Variants in ITPRIPL1 observed in about 807,000 individuals in gnomAD.
ITPRIPL1 encodes the protein ITPRIP like 1.
A neutral mutation model predicts 40.0 loss-of-function variants in ITPRIPL1; 28 were observed. The observed-to-expected ratio is 0.70, with a 90% confidence interval of 0.52 to 0.96. The LOEUF (loss-of-function observed/expected upper bound fraction) is 0.96. ITPRIPL1 is among the 40% of genes least tolerant of loss of function. The pLI is 0.00. For synonymous variants in ITPRIPL1, 251 were observed against 275.7 expected, an observed-to-expected ratio of 0.91 and a Z score of 0.89; for missense variants, 638 against 698.0, an observed-to-expected ratio of 0.91 and a Z score of 0.97.
In ITPRIPL1 at chr2:96,327,843, G is replaced by A; in HGVS notation, c.1212G>A (p.Leu404=). The A allele has an allele frequency of 6.2e-7, 1 of 1,614,104 alleles. No homozygotes were observed. The highest frequency in any genetic ancestry group is 8.5e-7 in the Non-Finnish European group (1 of 1,180,022). Residue 404 remains leucine (L), a synonymous_variant, in exon 3 of 3, where the codon CTG becomes CTA. Transcript: ENST00000439118. ...AGTCCTTTGTGGCCTGTGAGCACCT[G>A]TTCCTGAAGCTGGTGGGGCGCTTTG... ...WPESFVACEH[L]FLKLVGRFAP...
At position 96,326,350 on chromosome 2, in the gene ITPRIPL1, A is replaced by G. The variant is rs878891779; in HGVS notation, c.11-292A>G. Reference sequence around the variant, plus strand: ...ACAAGGGTCCCCCTCCCCATCCTACACAGGAATGAAAACAGTCCCATGTAC... The same window carrying G: ...ACAAGGGTCCCCCTCCCCATCCTACGCAGGAATGAAAACAGTCCCATGTAC... On this transcript the variant is annotated intron_variant, in intron 2 of 2. Transcript: ENST00000439118. The G allele has an allele frequency of 4.0e-6, 6 of 1,492,782 alleles. No individual in the cohort carries two copies. In the South Asian group the frequency reaches 7.2e-5, roughly 18 times the overall value. The allele number at this position is 1,492,782 out of a possible 1,614,324, so 92.5% of individuals were successfully genotyped here.
chr2:96,326,541 T>C, intron 2 of ITPRIPL1, 101 bp from the exon 3 acceptor site: 1 of 1,575,626 alleles, frequency 6.3e-7, no homozygotes. Context: ...CCTGAGTAGC[T>C]GATTTTCAGA....
At position 96,328,206 on chromosome 2, in the gene ITPRIPL1, C is replaced by A; in HGVS notation, c.1575C>A (p.Asn525Lys). Residue 525 changes from asparagine (N) to lysine (K), a missense_variant, in exon 3 of 3, where the codon AAC becomes AAA. Physicochemically the swap from Asn to Lys is moderately conservative, Grantham distance 94 (BLOSUM62 0). Transcript: ENST00000439118. Reference protein sequence around the residue: ...PVNLFQHLVLNPKAHSQAVEE... With the variant: ...PVNLFQHLVLKPKAHSQAVEE... The stretch of plus-strand genomic sequence containing the variant: ...ATCTCTTCCAACACCTGGTGCTCAA[C>A]CCCAAGGCACATTCACAGGCAGTGG... 6.2e-7 allele frequency: 1 copy of A among 1,614,166 alleles called. No individual in the cohort carries two copies. The highest frequency in any genetic ancestry group is 8.5e-7 in the Non-Finnish European group (1 of 1,180,030).
In ITPRIPL1 at chr2:96,325,375, AGGG is replaced by A. The variant is rs2064095943; in HGVS notation, c.-282_-280del. 1 of 157,960 alleles carries A rather than the reference AGGG, an allele frequency of 6.3e-6. No individual in the cohort carries two copies. Among genetic ancestry groups the A allele is most frequent in the Non-Finnish European group, 1.4e-5 (1 of 71,790 alleles). The allele number at this position is 157,960 out of a possible 1,614,324, so 9.8% of individuals were successfully genotyped here. ...CTCGGAGCCGCGTGCTGGGGGTCGT[AGGG>A]GCCCACCGCGCTCAGCCAGACGTTC... On this transcript the variant is annotated 5_prime_UTR_variant, in exon 1 of 3. Transcript: ENST00000439118.
Position 96,327,653 on chromosome 2 carries a change from T to C in ITPRIPL1, c.1022T>C (p.Leu341Pro), listed in dbSNP as rs1396455949. The C allele has an allele frequency of 3.7e-6, 6 of 1,612,694 alleles. No individual in the cohort carries two copies. The Admixed American group carries it at 6.7e-5, about 18-fold the overall frequency. Reference protein sequence around the residue: ...ALVAHKYDFKLSLPPSTTSCK... With the variant: ...ALVAHKYDFKPSLPPSTTSCK... ...GTGGCCCACAAGTATGACTTTAAAC[T>C]CAGTCTCCCACCGTCTACCACCTCC... The change falls in exon 3 of 3, where the codon CTC becomes CCC. Residue 341 changes from leucine to proline, a missense_variant. Coordinates refer to ENST00000439118, the MANE Select transcript of ITPRIPL1 (RefSeq NM_001008949.3).
rs1235856073 is a variant in ITPRIPL1 at position 96,328,037 on chromosome 2, T to C, written c.1406T>C (p.Met469Thr). Residue 469 changes from methionine (M) to threonine (T), a missense_variant, in exon 3 of 3, where the codon ATG becomes ACG. By Grantham distance (81) the Met-to-Thr change is moderately conservative. Transcript: ENST00000439118. ...RLPLTDWAHN[M>T]LSQRLQDILW... ...CCCCTCACGGACTGGGCCCACAACA[T>C]GCTCTCTCAGCGGCTCCAGGACATT... 5 of 1,614,066 alleles carry C rather than the reference T, an allele frequency of 3.1e-6. No individual in the cohort carries two copies. Among genetic ancestry groups the C allele is most frequent in the Non-Finnish European group, 4.2e-6 (5 of 1,180,034 alleles).
Position 96,327,745 on chromosome 2 carries a change from C to T in ITPRIPL1, c.1114C>T (p.Arg372Ter), listed in dbSNP as rs527931884. 17 of 1,613,350 alleles carry T rather than the reference C, an allele frequency of 1.1e-5. No individual in the cohort carries two copies. The highest frequency in any genetic ancestry group is 2.7e-5 in the African/African-American group (2 of 74,984). The change falls in exon 3 of 3, where the codon CGA (arginine) becomes TGA (stop). Residue 372 changes from arginine to a stop codon, truncating the protein, a stop_gained. Transcript: ENST00000439118. LOFTEE classifies it high-confidence loss of function. Reference sequence around the variant, plus strand: ...AATCCACTTGGTCCTGGGGGTGCAACGAGAAGACACCTTGGTCTACCTGGT... The same window carrying T: ...AATCCACTTGGTCCTGGGGGTGCAATGAGAAGACACCTTGGTCTACCTGGT... ...LSIHLVLGVQ[R>*]EDTLVYLVSQ...
Position 96,326,994 on chromosome 2 carries a change from T to C in ITPRIPL1, c.363T>C (p.Phe121=). 6.2e-7 allele frequency: 1 copy of C among 1,614,190 alleles called. No individual in the cohort carries two copies. Among genetic ancestry groups the C allele is most frequent in the Non-Finnish European group, 8.5e-7 (1 of 1,180,020 alleles). ...GGAACACTGGCCTCTTTTGCCTTTT[T>C]CTCGTCTTTGAGCTCCTGCGACAGA... ...NLWNTGLFCL[F]LVFELLRQNM... Residue 121 remains phenylalanine, a synonymous_variant, in exon 3 of 3, where the codon TTT becomes TTC. Coordinates refer to ENST00000439118, the MANE Select transcript of ITPRIPL1 (RefSeq NM_001008949.3).
chr2:96,326,490 C>T, intron 2 of ITPRIPL1, 152 bp from the exon 3 acceptor site: 1 of 1,551,802 alleles, frequency 6.4e-7, no homozygotes. Flanking sequence ...GCCGACCACC[C>T]TTGCTGTGTC....
chr2:96,326,198 C>T lies in ITPRIPL1; in HGVS notation c.10+349C>T, dbSNP rs544992897. The T allele has an allele frequency of 1.7e-5, 25 of 1,451,472 alleles. 1 individual carries two copies. The Admixed American group carries it at 1.9e-4, about 11-fold the overall frequency. 89.9% of individuals were successfully genotyped at this position (1,451,472 alleles called of 1,614,324 possible). ...GAAGTGGAATGCTACAACTGGCTGC[C>T]GGGGCAGAGGAAAGGTGTCACCCAG... On this transcript the variant is annotated intron_variant, in intron 2 of 2. Coordinates refer to ENST00000439118, the MANE Select transcript of ITPRIPL1 (RefSeq NM_001008949.3).
chr2:96,326,478 A>G, intron 2 of ITPRIPL1, 164 bp from the exon 3 acceptor site: 3 of 1,545,310 alleles, frequency 1.9e-6, no homozygotes, highest in Non-Finnish European at 1.7e-6. Flanking sequence ...ACCTCCTCCC[A>G]GGCCGACCAC....
At position 96,326,807 on chromosome 2, in the gene ITPRIPL1, T is replaced by C; in HGVS notation, c.176T>C (p.Phe59Ser). 3 of 1,614,000 alleles carry C rather than the reference T, an allele frequency of 1.9e-6. No homozygotes were observed. The highest frequency in any genetic ancestry group is 2.5e-6 in the Non-Finnish European group (3 of 1,179,986). The change falls in exon 3 of 3, where the codon TTT (phenylalanine) becomes TCT (serine). Residue 59 changes from phenylalanine to serine, a missense_variant. Transcript: ENST00000439118. ...GAGATGCGCCTGCTAGAGATGGAGT[T>C]TGAAGAGAGAAAGCGAGCCGCTGAG... Reference protein sequence around the residue: ...SEEMRLLEMEFEERKRAAEQR... With the variant: ...SEEMRLLEMESEERKRAAEQR...
chr2:96,326,542 G>A (rs2064108479), intron 2 of ITPRIPL1, 100 bp from the exon 3 acceptor site: 2 of 1,576,428 alleles, frequency 1.3e-6, no homozygotes, highest in Admixed American at 1.8e-5. Context: ...CTGAGTAGCT[G>A]ATTTTCAGAA....
At chr2:96,329,591 G>A (rs1019122828), downstream of ITPRIPL1, 5 of 150,352 alleles carry the variant, frequency 3.3e-5, no homozygotes, top group African/African-American at 1.2e-4. Context: ...ATGACAAAGG[G>A]ATTACTTGAA....
rs764409260 is a variant in ITPRIPL1, at chr2:96,326,715, G to A, written c.84G>A (p.Met28Ile). Residue 28 changes from methionine (M) to isoleucine (I), a missense_variant, in exon 3 of 3, where the codon ATG becomes ATA. Transcript: ENST00000439118. ...AVMYVVHHPL[M>I]VSDRMDLDTL... ...TGTATGTTGTTCACCACCCTCTGAT[G>A]GTCAGTGATCGGATGGACCTGGACA... is the stretch of plus-strand genomic sequence containing the variant. The A allele has an allele frequency of 6.2e-7, 1 of 1,614,244 alleles. No homozygotes were observed. The highest frequency in any genetic ancestry group is 8.5e-7 in the Non-Finnish European group (1 of 1,180,042).
intron 2 of ITPRIPL1, 108 bp from the exon 3 acceptor site, chr2:96,326,534 G>A (rs2064108413): frequency 1.3e-6 from 2 of 1,572,486 alleles, no homozygotes; most frequent in Non-Finnish European, 1.7e-6. Context: ...TGTTCCTCCT[G>A]AGTAGCTGAT....
chr2:96,327,353 T>C lies in ITPRIPL1; in HGVS notation c.722T>C (p.Ile241Thr), dbSNP rs780506971. The C allele has an allele frequency of 9.9e-6, 16 of 1,614,000 alleles. No individual in the cohort carries two copies. The Admixed American group carries it at 2.0e-4, about 20-fold the overall frequency. Residue 241 changes from isoleucine to threonine, a missense_variant, in exon 3 of 3, where the codon ATT becomes ACT. Physicochemically the swap from Ile to Thr is moderately conservative, Grantham distance 89. Transcript: ENST00000439118. ...CAGAAATTTGATATCCTGGTGCCCA[T>C]TGTCCCCCCACAGGGCACCATGTTT... ...ETQKFDILVPIVPPQGTMFVL... is the reference protein window; with the variant it reads ...ETQKFDILVPTVPPQGTMFVL...
In ITPRIPL1 at chr2:96,326,844, G is replaced by A. The variant is rs538747379; in HGVS notation, c.213G>A (p.Lys71=). The change falls in exon 3 of 3, where the codon AAG becomes AAA. Residue 71 remains lysine, a synonymous_variant. Coordinates refer to ENST00000439118, the MANE Select transcript of ITPRIPL1 (RefSeq NM_001008949.3). The stretch of plus-strand genomic sequence containing the variant: ...AGCGAGCCGCTGAGCAGAGGCAGAA[G>A]GCAGAGAACTTCTGGACAGGAGACA... The part of the protein sequence containing the change: ...ERKRAAEQRQ[K]AENFWTGDTS... 2 of 1,614,226 alleles carry A rather than the reference G, an allele frequency of 1.2e-6. No individual in the cohort carries two copies. Among genetic ancestry groups the A allele is most frequent in the South Asian group, 2.2e-5 (2 of 91,086 alleles).
rs750043201 is a variant in ITPRIPL1, at chr2:96,325,868, G to A, written c.10+19G>A. The A allele has an allele frequency of 2.5e-6, 4 of 1,612,706 alleles. No homozygotes were observed. The South Asian group carries it at 4.4e-5, about 18-fold the overall frequency. ...AATGTTGGTAAGCGCGGTAGCTTGT[G>A]AATTAGGGTGAGTGGCAGAAGCTCG... On this transcript the variant is annotated intron_variant, in intron 2 of 2. Coordinates refer to ENST00000439118, the MANE Select transcript of ITPRIPL1 (RefSeq NM_001008949.3).
Sources: allele counts gnomAD v4.1 joint callset, GRCh38; gene constraint gnomAD v4.1.1; transcripts MANE v1.5; gene names NCBI Gene and HGNC (gene_info 2026-07-23, HGNC 2026-07-21).